The following PDZD2 variants were observed in gnomAD, a reference collection of about 807,000 sequenced individuals.
PDZD2 encodes PDZ domain-containing protein 2.
A neutral mutation model predicts 220.7 loss-of-function variants in PDZD2; 90 were observed. That is an observed-to-expected ratio of 0.41 (90% CI 0.34 to 0.49). The LOEUF (loss-of-function observed/expected upper bound fraction) is 0.49, where lower values mean the gene tolerates loss of function less well. Among genes scored for constraint, PDZD2 ranks in the 20% least tolerant of loss-of-function variants. The probability of loss-of-function intolerance (pLI) is 0.28; values close to 1 mark genes in which losing one functional copy is unlikely to be tolerated. For synonymous variants in PDZD2, 1,375 were observed against 1,450.5 expected, an observed-to-expected ratio of 0.95 and a Z score of 1.18; for missense variants, 3,174 against 3,608.5, an observed-to-expected ratio of 0.88 and a Z score of 3.08.
intron 2 of PDZD2, among the ~76,000 whole-genome samples, chr5:31,947,904 G>A (rs1381588397): frequency 6.6e-6 from 1 of 151,718 alleles, no homozygotes; most frequent in Non-Finnish European, 1.5e-5. Context: ...GGGAAGGAAG[G>A]CCAAGCGAAC....
At chr5:32,093,920 A>G (rs1298838229) in intron 21 of PDZD2, among the ~76,000 whole-genome samples, 2 of 152,108 alleles carry the variant, frequency 1.3e-5, no homozygotes, top group African/African-American at 4.8e-5. Flanking sequence ...AGAGGTTGAC[A>G]TGAGCTAAGA....
chr5:32,051,232 C>T (rs1050658398), intron 8 of PDZD2, among the ~76,000 whole-genome samples: 2 of 151,934 alleles, frequency 1.3e-5, no homozygotes, highest in East Asian at 1.9e-4. Context: ...AAAACCCAGG[C>T]GATGTTTGGC....
At chr5:31,712,219 CA>C (rs1216561089) in intron 1 of PDZD2, 4 of 152,216 alleles carry the variant, frequency 2.6e-5, no homozygotes, top group Admixed American at 6.5e-5. Context: ...GAACCCATGC[CA>C]AACTCAGCGG....
intron 1 of PDZD2, among the ~76,000 whole-genome samples, chr5:31,706,122 G>A (rs1442871455): frequency 6.6e-6 from 1 of 152,176 alleles, no homozygotes; most frequent in African/African-American, 2.4e-5. Context: ...TTCACTGATG[G>A]ATCCCACACA....
intron 2 of PDZD2, among the ~76,000 whole-genome samples, chr5:31,903,102 C>G (rs1390603230): frequency 9.2e-5 from 14 of 151,552 alleles, no homozygotes; most frequent in Non-Finnish European, 7.4e-5. Context: ...CGAGACCAGC[C>G]TGACCAACAT....
Position 32,000,604 on chromosome 5 carries a change from G to A in PDZD2, c.1254+333G>A, listed in dbSNP as rs1752029242. 6.6e-6 allele frequency among the ~76,000 whole-genome samples: 1 copy of A among 152,010 alleles called. No individual in the cohort carries two copies. The highest frequency in any genetic ancestry group is 1.5e-5 in the Non-Finnish European group (1 of 68,012). On this transcript the variant is annotated intron_variant, in intron 5 of 24. Transcript: ENST00000438447. This position sits in a 1 kb window ranked among gnomAD's most constrained non-coding sequence, Gnocchi z 4.5. ...CGGCTCACCGCAACCTCCACCTTCC[G>A]GATTCAAGCAGTTCTCCTGCCTCAG...
At chr5:31,958,783 G>A (rs999062898) in intron 2 of PDZD2, among the ~76,000 whole-genome samples, 1 of 151,998 alleles carries the variant, frequency 6.6e-6, no homozygotes, top group African/African-American at 2.4e-5. Context: ...ACAGCACCCA[G>A]CTAATTTTTT....
intron 1 of PDZD2, among the ~76,000 whole-genome samples, chr5:31,773,145 T>C (rs1400031150): frequency 6.6e-6 from 1 of 152,124 alleles, no homozygotes; most frequent in Non-Finnish European, 1.5e-5. Context: ...ATGTAGGAAG[T>C]AGGAAAAAAC....
Position 32,074,167 on chromosome 5 carries a change from C to A in PDZD2, c.3061C>A (p.Pro1021Thr). ...GMDVHNQEER[P>T]RKTLVSKAIS... ...GGACGTCCACAACCAAGAGGAACGACCCCGGAAAACACTGGTGAGCAAGGC... is the reference window on the plus strand; with the variant it reads ...GGACGTCCACAACCAAGAGGAACGAACCCGGAAAACACTGGTGAGCAAGGC... Residue 1021 changes from proline to threonine, a missense_variant, in exon 18 of 25, where the codon CCC becomes ACC. Pro to Thr is a conservative substitution (Grantham distance 38). Coordinates refer to ENST00000438447, the MANE Select transcript of PDZD2 (RefSeq NM_178140.4). The A allele has an allele frequency of 6.2e-7, 1 of 1,614,184 alleles. No homozygotes were observed. The highest frequency in any genetic ancestry group is 1.7e-5 in the Admixed American group (1 of 60,016).
rs1415451355 is a variant in PDZD2, at chr5:31,639,493, G to C, written c.-361+56G>C. 6.6e-6 allele frequency: 1 copy of C among 151,510 alleles called. No individual in the cohort carries two copies. Among genetic ancestry groups the C allele is most frequent in the African/African-American group, 2.4e-5 (1 of 41,252 alleles). The allele number at this position is 151,510 out of a possible 1,614,324, so 9.4% of individuals were successfully genotyped here. On this transcript the variant is annotated intron_variant, in intron 1 of 24. Transcript: ENST00000438447. This position sits in a 1 kb window ranked among gnomAD's most constrained non-coding sequence, Gnocchi z 4.1. The stretch of plus-strand genomic sequence containing the variant: ...GCGCGGCTCCGGGTGGGCAGGGGAT[G>C]GGGGAGGCCCGGCACCCCCGAGACC...
rs959347288 is a variant in PDZD2, at chr5:31,830,188, C to T, written c.476+30464C>T. Among the ~76,000 whole-genome samples the T allele has an allele frequency of 1.9e-3, 266 of 143,540 alleles. 2 individuals carry two copies. The highest frequency in any genetic ancestry group is 2.8e-3 in the East Asian group (14 of 4,946). The allele number at this position is 143,540 out of a possible 152,430, so 94.2% of individuals were successfully genotyped here. Reference sequence around the variant, plus strand: ...AATGGCTTTTTTTTTTTTTTTGAGACGAAGTTTCGCTCTGCCGCCCAGGCT... The same window carrying T: ...AATGGCTTTTTTTTTTTTTTTGAGATGAAGTTTCGCTCTGCCGCCCAGGCT... On this transcript the variant is annotated intron_variant, in intron 2 of 24. Coordinates refer to ENST00000438447, the MANE Select transcript of PDZD2 (RefSeq NM_178140.4).
intron 1 of PDZD2, among the ~76,000 whole-genome samples, chr5:31,698,499 T>G (rs1237445596): frequency 1.3e-5 from 2 of 149,660 alleles, no homozygotes; most frequent in African/African-American, 2.5e-5. Context: ...CTCGGGAGGC[T>G]GAGGCAGGAG....
chr5:31,834,001 C>A (rs1340769147), intron 2 of PDZD2, among the ~76,000 whole-genome samples: 1 of 152,230 alleles, frequency 6.6e-6, no homozygotes. Flanking sequence ...GGAGAAAGTT[C>A]TATGGGGTGT....
chr5:31,891,529 G>A (rs1014378138), intron 2 of PDZD2, among the ~76,000 whole-genome samples: 7 of 151,814 alleles, frequency 4.6e-5, no homozygotes. Flanking sequence ...TGGTCAGGCT[G>A]ATCTCGAACT....
chr5:31,708,925 T>A (rs1008861948), intron 1 of PDZD2, among the ~76,000 whole-genome samples: 2 of 151,830 alleles, frequency 1.3e-5, no homozygotes, highest in African/African-American at 4.8e-5. Flanking sequence ...TCTCACTCTG[T>A]CGCCCAGGCT....
intron 2 of PDZD2, chr5:31,855,097 C>G (rs937691736): frequency 1.0e-6 from 1 of 985,404 alleles, no homozygotes; most frequent in Non-Finnish European, 1.2e-6. Context: ...TTACCCGGCG[C>G]CCAGCTGCTG....
chr5:32,023,243 G>A (rs567624489), intron 6 of PDZD2, among the ~76,000 whole-genome samples: 106 of 151,390 alleles, frequency 7.0e-4, no homozygotes, highest in African/African-American at 2.4e-3. Flanking sequence ...ACTTGATGCC[G>A]GCTGTCTTTA....
At chr5:32,065,286 G>A (rs1581408360) in intron 14 of PDZD2, among the ~76,000 whole-genome samples, 1 of 152,090 alleles carries the variant, frequency 6.6e-6, no homozygotes, top group South Asian at 2.1e-4. Context: ...GCCACACAGC[G>A]AGACTTTGTC....
chr5:31,964,349 T>C (rs1024313536), intron 2 of PDZD2, among the ~76,000 whole-genome samples: 1 of 152,252 alleles, frequency 6.6e-6, no homozygotes, highest in African/African-American at 2.4e-5. Context: ...TCTGAAGTTA[T>C]ATGGCTTTTC....
Sources: gnomAD v4.1 joint callset for allele counts (sites outside exome capture counted in the v4.1 genomes callset) on GRCh38, gnomAD v4.1.1 for gene constraint, Gnocchi (gnomAD v3.1) non-coding constraint, MANE v1.5 for transcripts, NCBI Gene and HGNC (gene_info 2026-07-23, HGNC 2026-07-21) for gene names.